Variants in EPHB2 observed in about 807,000 individuals in gnomAD.
EPHB2 encodes EPH receptor B2.
A neutral mutation model predicts 96.4 loss-of-function variants in EPHB2; 18 were observed. That is an observed-to-expected ratio of 0.19 (90% CI 0.13 to 0.28). EPHB2 has a LOEUF of 0.28. Among genes scored for constraint, EPHB2 ranks in the 10% least tolerant of loss-of-function variants. EPHB2 has a pLI of 1.00. For missense variants in EPHB2, 989 were observed against 1,355.4 expected (o/e 0.73, Z 4.25); for synonymous variants, 506 against 534.1 (o/e 0.95, Z 0.72).
intron 1 of EPHB2, among the ~76,000 whole-genome samples, chr1:22,780,798 G>A (rs534356716): frequency 6.6e-6 from 1 of 152,314 alleles, no homozygotes; most frequent in South Asian, 2.1e-4. Flanking sequence ...AGGTTAGTGA[G>A]ACTAGACTGG....
intron 1 of EPHB2, among the ~76,000 whole-genome samples, chr1:22,773,635 C>A (rs1644408462): frequency 6.6e-6 from 1 of 152,216 alleles, no homozygotes; most frequent in Non-Finnish European, 1.5e-5. Flanking sequence ...TGTGACCCAG[C>A]GGTTCTCAGA....
chr1:22,761,425 T>G (rs1644234507), intron 1 of EPHB2, among the ~76,000 whole-genome samples: 1 of 152,178 alleles, frequency 6.6e-6, no homozygotes, highest in African/African-American at 2.4e-5. Context: ...ATGTATTGCT[T>G]TTATAATGAA....
intron 1 of EPHB2, among the ~76,000 whole-genome samples, chr1:22,739,361 G>A (rs553307591): frequency 1.2e-4 from 18 of 152,234 alleles, no homozygotes; most frequent in Middle Eastern, 3.4e-3. Flanking sequence ...GACCGCAGGC[G>A]CATGCCAGCA....
intron 3 of EPHB2, among the ~76,000 whole-genome samples, chr1:22,817,568 G>A (rs1305587953): frequency 6.6e-6 from 1 of 152,208 alleles, no homozygotes; most frequent in African/African-American, 2.4e-5. Context: ...TGTGCTTTGG[G>A]CACAGGGGTC....
At position 22,918,840 on chromosome 1, in the gene EPHB2, G is replaced by A. The variant is rs1267366257; in HGVS notation, c.*5270G>A. 1 of 152,196 alleles carries A rather than the reference G, an allele frequency of 6.6e-6. No individual in the cohort carries two copies. The highest frequency in any genetic ancestry group is 2.1e-4 in the South Asian group (1 of 4,824). 9.4% of individuals were successfully genotyped at this position (152,196 alleles called of 1,614,324 possible). Reference sequence around the variant, plus strand: ...TGGAACCACAGGGATTGCAATAATCGCTGAATACTTACCATATGCCAGGTG... The same window carrying A: ...TGGAACCACAGGGATTGCAATAATCACTGAATACTTACCATATGCCAGGTG... On this transcript the variant is annotated 3_prime_UTR_variant, in exon 16 of 16. Transcript: ENST00000374630. This position sits in a 1 kb window ranked among gnomAD's most constrained non-coding sequence, Gnocchi z 4.2.
chr1:22,865,131 A>G lies in EPHB2; in HGVS notation c.1222A>G (p.Ile408Val), dbSNP rs780635011. Residue 408 changes from isoleucine to valine, a missense_variant, in exon 5 of 16, where the codon ATC (isoleucine) becomes GTC (valine). Coordinates refer to ENST00000374630, the MANE Select transcript of EPHB2 (RefSeq NM_017449.5). ...GGCCCACACCCAGTACACCTTCGAG[A>G]TCCAGGCTGTGAACGGCGTTACTGA... ...LLAHTQYTFEIQAVNGVTDQS... is the reference protein window; with the variant it reads ...LLAHTQYTFEVQAVNGVTDQS... The G allele has an allele frequency of 8.7e-6, 14 of 1,614,002 alleles. No individual in the cohort carries two copies. The Admixed American group carries it at 1.0e-4, about 12-fold the overall frequency.
intron 1 of EPHB2, among the ~76,000 whole-genome samples, chr1:22,724,979 G>A (rs187751041): frequency 6.6e-6 from 1 of 152,126 alleles, no homozygotes; most frequent in African/African-American, 2.4e-5. Flanking sequence ...TGAAGCTTGA[G>A]CATCTCTTCC....
At chr1:22,765,349 C>A (rs1644293002) in intron 1 of EPHB2, among the ~76,000 whole-genome samples, 1 of 152,016 alleles carries the variant, frequency 6.6e-6, no homozygotes, top group African/African-American at 2.4e-5. Flanking sequence ...GAGTTCGAGA[C>A]CAGCCTGGCC....
chr1:22,853,676 G>A (rs747211126), intron 3 of EPHB2, among the ~76,000 whole-genome samples: 8 of 152,366 alleles, frequency 5.3e-5, no homozygotes, highest in East Asian at 1.9e-4. Flanking sequence ...GCCCAGAGGC[G>A]AGACCAAGCA....
chr1:22,869,651 T>G (rs548412640), intron 5 of EPHB2, among the ~76,000 whole-genome samples: 1 of 152,166 alleles, frequency 6.6e-6, no homozygotes, highest in Non-Finnish European at 1.5e-5. Flanking sequence ...TTCTTCTTTC[T>G]GTTCCTCCTA....
At chr1:22,805,804 G>T (rs1183697159) in intron 3 of EPHB2, among the ~76,000 whole-genome samples, 1 of 152,236 alleles carries the variant, frequency 6.6e-6, no homozygotes, top group Non-Finnish European at 1.5e-5. Flanking sequence ...GGCTGCAGAT[G>T]TGTCTGAGGG....
intron 3 of EPHB2, among the ~76,000 whole-genome samples, chr1:22,817,044 T>C (rs1645084815): frequency 6.6e-6 from 1 of 152,206 alleles, no homozygotes; most frequent in African/African-American, 2.4e-5. Flanking sequence ...CATCGTGCCT[T>C]CCTGGTAGAC....
In EPHB2 at chr1:22,921,104, C is replaced by T. The variant is rs1413614107; in HGVS notation, c.*7534C>T. On this transcript the variant is annotated 3_prime_UTR_variant, in exon 16 of 16. Transcript: ENST00000374630. ...CCCCGGGGGGGCACTGTGGCACCCT[C>T]TTTGAGCGTGGCCTCCCTGGAGCTG... is the stretch of plus-strand genomic sequence containing the variant. The T allele has an allele frequency of 6.6e-6, 1 of 152,504 alleles. No homozygotes were observed. The highest frequency in any genetic ancestry group is 2.4e-5 in the African/African-American group (1 of 41,460). The allele number at this position is 152,504 out of a possible 1,614,324, so 9.4% of individuals were successfully genotyped here. A position where few individuals can be genotyped will look rare whatever the true frequency, so the allele number is the denominator to read the frequency against.
intron 1 of EPHB2, among the ~76,000 whole-genome samples, chr1:22,761,764 C>T (rs1215523418): frequency 6.6e-6 from 1 of 152,222 alleles, no homozygotes; most frequent in Non-Finnish European, 1.5e-5. Context: ...TCCTCCCCGG[C>T]TCATCCAGAC....
intron 1 of EPHB2, among the ~76,000 whole-genome samples, chr1:22,736,722 G>A (rs1429446355): frequency 2.0e-5 from 3 of 152,320 alleles, no homozygotes; most frequent in Admixed American, 6.5e-5. Flanking sequence ...CCCAGACCCC[G>A]GGCCCAGCCT....
At chr1:22,803,483 T>C (rs1213965053) in intron 3 of EPHB2, among the ~76,000 whole-genome samples, 1 of 151,652 alleles carries the variant, frequency 6.6e-6, no homozygotes, top group Non-Finnish European at 1.5e-5. Context: ...GGTACGCACT[T>C]GTAGTCCCAG....
intron 5 of EPHB2, among the ~76,000 whole-genome samples, chr1:22,866,994 G>T (rs993895362): frequency 6.6e-6 from 1 of 152,180 alleles, no homozygotes; most frequent in African/African-American, 2.4e-5. Flanking sequence ...GTGTTTCCAT[G>T]CATGACCTCA....
intron 1 of EPHB2, among the ~76,000 whole-genome samples, chr1:22,770,032 A>G (rs1644356879): frequency 1.3e-5 from 2 of 152,170 alleles, no homozygotes; most frequent in Middle Eastern, 3.2e-3. Flanking sequence ...GTGGAAGGCA[A>G]GATGGCAGAA....
At chr1:22,763,728 A>G (rs1644267510) in intron 1 of EPHB2, among the ~76,000 whole-genome samples, 1 of 152,070 alleles carries the variant, frequency 6.6e-6, no homozygotes, top group East Asian at 1.9e-4. Flanking sequence ...AACAAGACGC[A>G]TTTATTGTTT....
Sources: allele counts gnomAD v4.1 joint callset (sites outside exome capture counted in the v4.1 genomes callset), GRCh38; gene constraint gnomAD v4.1.1; non-coding constraint Gnocchi (gnomAD v3.1); transcripts MANE v1.5; gene names NCBI Gene and HGNC (gene_info 2026-07-23, HGNC 2026-07-21).